Variants in AKAP13 observed in about 807,000 individuals in gnomAD.
The protein encoded by AKAP13 is A-kinase anchoring protein 13.
In AKAP13, 80 loss-of-function variants were observed where a neutral mutation model predicts 264.5. That is an observed-to-expected ratio of 0.30 (90% CI 0.25 to 0.36). AKAP13 has a LOEUF of 0.36. Ranked by LOEUF, AKAP13 falls within the 10% of genes least tolerant of loss-of-function variation. The pLI, the probability that AKAP13 is intolerant of heterozygous loss-of-function variation, is 1.00. For missense variants in AKAP13, 3,712 were observed against 3,435.2 expected (o/e 1.08, Z -2.01); for synonymous variants, 1,380 against 1,250.2 (o/e 1.10, Z -2.19).
chr15:85,426,045 C>A (rs1054424454), intron 1 of AKAP13, among the ~76,000 whole-genome samples: 1 of 152,150 alleles, frequency 6.6e-6, no homozygotes, highest in Non-Finnish European at 1.5e-5. Context: ...AATACTTGAG[C>A]AATGGCAGTA....
At chr15:85,687,450 C>T (rs980208714) in intron 16 of AKAP13, among the ~76,000 whole-genome samples, 1 of 152,116 alleles carries the variant, frequency 6.6e-6, no homozygotes, top group East Asian at 1.9e-4. Flanking sequence ...ATCAGTTGAC[C>T]TCTTGTCTCT....
rs1315336809 is a variant in AKAP13 at position 85,745,777 on chromosome 15, G to T, written c.*1100G>T. On this transcript the variant is annotated 3_prime_UTR_variant, in exon 37 of 37. Transcript: ENST00000394518. ...GCGAAGGGTGAAGCCATGTGTAGCA[G>T]TTCCTGCCAGTGCAGATCTGGAGAG... 1 of 152,322 alleles carries T rather than the reference G, an allele frequency of 6.6e-6. No individual in the cohort carries two copies. The highest frequency in any genetic ancestry group is 1.5e-5 in the Non-Finnish European group (1 of 68,110). 9.4% of individuals were successfully genotyped at this position (152,322 alleles called of 1,614,324 possible).
intron 1 of AKAP13, among the ~76,000 whole-genome samples, chr15:85,418,779 C>A (rs575967907): frequency 6.6e-6 from 1 of 152,242 alleles, no homozygotes; most frequent in East Asian, 1.9e-4. Context: ...ATTTAAAAGG[C>A]AAATAATTGC....
At chr15:85,426,525 C>T (rs148326677) in intron 1 of AKAP13, among the ~76,000 whole-genome samples, 16 of 151,630 alleles carry the variant, frequency 1.1e-4, no homozygotes, top group East Asian at 5.8e-4. Context: ...CTGACAATTG[C>T]GCATATTTAA....
chr15:85,648,015 A>G (rs2082634845), intron 10 of AKAP13, among the ~76,000 whole-genome samples: 1 of 134,016 alleles, frequency 7.5e-6, no homozygotes, highest in African/African-American at 3.0e-5. Context: ...CAATAGTTTT[A>G]TGTTATTTTA....
intron 8 of AKAP13, among the ~76,000 whole-genome samples, chr15:85,586,274 T>G (rs2079342208): frequency 6.6e-6 from 1 of 151,868 alleles, no homozygotes; most frequent in Non-Finnish European, 1.5e-5. Flanking sequence ...CACTGCAACC[T>G]CTGCTTCCTG....
At chr15:85,518,525 C>T (rs1267053617) in intron 2 of AKAP13, among the ~76,000 whole-genome samples, 1 of 152,126 alleles carries the variant, frequency 6.6e-6, no homozygotes, top group African/African-American at 2.4e-5. Context: ...AACAAACAAA[C>T]AAACAAAACA....
intron 1 of AKAP13, among the ~76,000 whole-genome samples, chr15:85,400,504 A>G (rs930110829): frequency 6.6e-6 from 1 of 152,204 alleles, no homozygotes; most frequent in Non-Finnish European, 1.5e-5. Context: ...TATTGACATC[A>G]TGGTTTAGAT....
intron 1 of AKAP13, among the ~76,000 whole-genome samples, chr15:85,458,130 C>T (rs1259839650): frequency 7.3e-6 from 1 of 136,590 alleles, no homozygotes; most frequent in African/African-American, 3.1e-5. Flanking sequence ...CAGAGCGAGA[C>T]TCCATCTCAA....
chr15:85,490,610 C>T (rs1383067288), intron 2 of AKAP13, among the ~76,000 whole-genome samples: 1 of 152,188 alleles, frequency 6.6e-6, no homozygotes, highest in Non-Finnish European at 1.5e-5. Flanking sequence ...ACCTGGGTTG[C>T]ATTTTAGCCT....
chr15:85,626,472 C>A (rs994029292), intron 8 of AKAP13, among the ~76,000 whole-genome samples: 1 of 151,982 alleles, frequency 6.6e-6, no homozygotes, highest in African/African-American at 2.4e-5. Flanking sequence ...TTTGACTGCT[C>A]TAGGTACTAA....
chr15:85,595,946 T>C (rs1205163190), intron 8 of AKAP13, among the ~76,000 whole-genome samples: 1 of 152,254 alleles, frequency 6.6e-6, no homozygotes, highest in Non-Finnish European at 1.5e-5. Context: ...TGTTTAAATA[T>C]TTCCATTCAG....
chr15:85,383,726 T>C (rs1457398218), intron 1 of AKAP13, among the ~76,000 whole-genome samples: 1 of 152,220 alleles, frequency 6.6e-6, no homozygotes, highest in East Asian at 1.9e-4. Flanking sequence ...TAGAGCTCTT[T>C]GTGACTATGC....
At chr15:85,728,699 T>C (rs1318494439) in intron 29 of AKAP13, among the ~76,000 whole-genome samples, 2 of 151,308 alleles carry the variant, frequency 1.3e-5, no homozygotes, top group Non-Finnish European at 2.9e-5. Context: ...CACACAAGAG[T>C]GGTTATGTGC....
intron 14 of AKAP13, among the ~76,000 whole-genome samples, chr15:85,674,863 A>AAT (rs145993106): frequency 0.16 from 24,739 of 150,758 alleles, 2,265 homozygotes; most frequent in Non-Finnish European, 0.22. Flanking sequence ...AATATATGTG[A>AAT]ATATATATAT....
At chr15:85,698,111 A>T (rs2085668769) in intron 17 of AKAP13, among the ~76,000 whole-genome samples, 1 of 152,212 alleles carries the variant, frequency 6.6e-6, no homozygotes, top group Admixed American at 6.5e-5. Context: ...AGCAATTTAA[A>T]TATCCATCCA....
Position 85,693,470 on chromosome 15 carries a change from C to G in AKAP13, c.5464+19C>G. On this transcript the variant is annotated intron_variant, in intron 17 of 36. Transcript: ENST00000394518. Reference sequence around the variant, plus strand: ...TGTGCAAGTAAGAGACATGCTTCTTCCTCTCGTAAGATGGAACTCTCTTGG... The same window carrying G: ...TGTGCAAGTAAGAGACATGCTTCTTGCTCTCGTAAGATGGAACTCTCTTGG... 3 of 1,609,466 alleles carry G rather than the reference C, an allele frequency of 1.9e-6. No individual in the cohort carries two copies. The highest frequency in any genetic ancestry group is 2.5e-6 in the Non-Finnish European group (3 of 1,178,800).
chr15:85,700,029 A>G (rs2151661772), intron 17 of AKAP13, among the ~76,000 whole-genome samples: 1 of 152,316 alleles, frequency 6.6e-6, no homozygotes, highest in Non-Finnish European at 1.5e-5. Context: ...TAATTTTGCA[A>G]TTTTAAGTTC....
chr15:85,526,708 C>T (rs772070213), intron 3 of AKAP13, among the ~76,000 whole-genome samples: 5 of 152,196 alleles, frequency 3.3e-5, no homozygotes, highest in Non-Finnish European at 5.9e-5. Context: ...ACCCCCCATC[C>T]CCCAGCCTGG....
Sources: allele counts gnomAD v4.1 joint callset (sites outside exome capture counted in the v4.1 genomes callset), GRCh38; gene constraint gnomAD v4.1.1; transcripts MANE v1.5; gene names NCBI Gene and HGNC (gene_info 2026-07-23, HGNC 2026-07-21).